The following SNTG2 variants were observed in gnomAD, a reference collection of about 807,000 sequenced individuals.
SNTG2 encodes gamma-2-syntrophin.
In SNTG2, 74 loss-of-function variants were observed where a neutral mutation model predicts 70.9. That is an observed-to-expected ratio of 1.04 (90% CI 0.86 to 1.27). The LOEUF (loss-of-function observed/expected upper bound fraction) is 1.27, where lower values mean the gene tolerates loss of function less well. SNTG2 is among the 50% of genes most tolerant of loss of function. The probability of loss-of-function intolerance (pLI) is 0.00; values close to 1 mark genes in which losing one functional copy is unlikely to be tolerated. For missense variants in SNTG2, 717 were observed against 690.7 expected (o/e 1.04, Z -0.43); for synonymous variants, 278 against 273.8 (o/e 1.02, Z -0.15).
intron 7 of SNTG2, among the ~76,000 whole-genome samples, chr2:1,166,202 C>A (rs1245180197): frequency 6.6e-6 from 1 of 152,158 alleles, no homozygotes; most frequent in African/African-American, 2.4e-5. Flanking sequence ...GTTGGAGTCA[C>A]CACCGTTCCT....
At chr2:990,231 T>C (rs1661446409) in intron 1 of SNTG2, among the ~76,000 whole-genome samples, 1 of 152,246 alleles carries the variant, frequency 6.6e-6, no homozygotes. Context: ...GCTTGGAGCC[T>C]GGCTCTGGAG....
chr2:1,334,306 G>A (rs1659687087), intron 16 of SNTG2, among the ~76,000 whole-genome samples: 1 of 152,166 alleles, frequency 6.6e-6, no homozygotes, highest in Non-Finnish European at 1.5e-5. Flanking sequence ...AGATGTCGGT[G>A]TGAATGTGAT....
intron 8 of SNTG2, among the ~76,000 whole-genome samples, chr2:1,174,530 T>C (rs924262875): frequency 2.0e-5 from 3 of 152,212 alleles, no homozygotes; most frequent in Non-Finnish European, 4.4e-5. Flanking sequence ...AAGATACTTA[T>C]AAATGTCTCT....
At chr2:1,136,258 C>T (rs1471803688) in intron 4 of SNTG2, among the ~76,000 whole-genome samples, 1 of 151,800 alleles carries the variant, frequency 6.6e-6, no homozygotes, top group Non-Finnish European at 1.5e-5. Flanking sequence ...AGCCTACCCT[C>T]GTGTGGCTAG....
At chr2:1,179,908 T>C (rs1318558243) in intron 8 of SNTG2, among the ~76,000 whole-genome samples, 1 of 139,852 alleles carries the variant, frequency 7.2e-6, no homozygotes, top group Non-Finnish European at 1.6e-5. Flanking sequence ...TCAGAAATAA[T>C]GCCGTGTATC....
intron 1 of SNTG2, among the ~76,000 whole-genome samples, chr2:1,038,069 A>T (rs1661231306): frequency 6.6e-6 from 1 of 152,192 alleles, no homozygotes; most frequent in Non-Finnish European, 1.5e-5. Context: ...TGGTATATGA[A>T]AGTTCCCTCA....
chr2:973,970 ATT>A (rs536703434), intron 1 of SNTG2, among the ~76,000 whole-genome samples: 389 of 152,182 alleles, frequency 2.6e-3, no homozygotes, highest in African/African-American at 9.1e-3. Flanking sequence ...AATCTCAGTC[ATT>A]TTGAAATTTC....
chr2:1,291,314 C>A (rs1440113808), intron 14 of SNTG2, among the ~76,000 whole-genome samples: 1 of 152,154 alleles, frequency 6.6e-6, no homozygotes, highest in Non-Finnish European at 1.5e-5. Context: ...GATTTCCACT[C>A]TTTGGTGGTG....
At chr2:1,111,793 G>A (rs1479029259) in intron 4 of SNTG2, among the ~76,000 whole-genome samples, 2 of 152,324 alleles carry the variant, frequency 1.3e-5, no homozygotes, top group African/African-American at 2.4e-5. Flanking sequence ...GAGAAAGATC[G>A]TGTGTACTAA....
chr2:1,029,367 A>G (rs1304223634), intron 1 of SNTG2, among the ~76,000 whole-genome samples: 1 of 152,214 alleles, frequency 6.6e-6, no homozygotes, highest in African/African-American at 2.4e-5. Context: ...ACACTTGATT[A>G]AACAAGCTAT....
At chr2:1,256,218 A>G (rs1364545402) in intron 12 of SNTG2, among the ~76,000 whole-genome samples, 1 of 151,988 alleles carries the variant, frequency 6.6e-6, no homozygotes. Flanking sequence ...GTTTCTGTAT[A>G]TGCTCCATTA....
intron 14 of SNTG2, among the ~76,000 whole-genome samples, chr2:1,286,708 C>T (rs1473167809): frequency 2.6e-5 from 4 of 152,214 alleles, no homozygotes; most frequent in African/African-American, 9.7e-5. Context: ...TATAATCAAC[C>T]TGCCACCAGG....
intron 14 of SNTG2, among the ~76,000 whole-genome samples, chr2:1,299,694 C>T (rs996202758): frequency 3.3e-5 from 5 of 152,202 alleles, no homozygotes; most frequent in African/African-American, 7.2e-5. Flanking sequence ...ACGTGGAGCA[C>T]AACTGCAATG....
chr2:1,357,381 T>C (rs1414620730), intron 16 of SNTG2, among the ~76,000 whole-genome samples: 1 of 152,144 alleles, frequency 6.6e-6, no homozygotes, highest in African/African-American at 2.4e-5. Flanking sequence ...TGAATGCTTT[T>C]CATGAGTCTT....
At chr2:1,099,560 C>G (rs1383666236) in intron 4 of SNTG2, among the ~76,000 whole-genome samples, 1 of 12,970 alleles carries the variant, frequency 7.7e-5, no homozygotes, top group Non-Finnish European at 1.6e-4. Flanking sequence ...CTGGGGAAGC[C>G]TTAACCATGA....
chr2:1,216,968 G>C (rs1049143440), intron 9 of SNTG2, among the ~76,000 whole-genome samples: 1 of 152,106 alleles, frequency 6.6e-6, no homozygotes, highest in Non-Finnish European at 1.5e-5. Flanking sequence ...GGCCAAGCTT[G>C]CTTCCCCTTC....
At chr2:1,179,631 A>G (rs12470120) in intron 8 of SNTG2, among the ~76,000 whole-genome samples, 49,525 of 149,564 alleles carry the variant, frequency 0.33, 8,516 homozygotes, top group East Asian at 0.64. Flanking sequence ...CGTGAAAATG[A>G]CCATACTGCC....
intron 4 of SNTG2, among the ~76,000 whole-genome samples, chr2:1,116,181 G>A (rs1460910734): frequency 6.6e-6 from 1 of 151,850 alleles, no homozygotes; most frequent in African/African-American, 2.4e-5. Flanking sequence ...AGGGAGCTTG[G>A]TGGTCACGGG....
intron 4 of SNTG2, among the ~76,000 whole-genome samples, chr2:1,133,292 A>G (rs1308819651): frequency 6.6e-6 from 1 of 152,260 alleles, no homozygotes. Context: ...TAAATATTTA[A>G]CAGAAGTGTC....
Sources: gnomAD v4.1 joint callset for allele counts (sites outside exome capture counted in the v4.1 genomes callset) on GRCh38, gnomAD v4.1.1 for gene constraint, MANE v1.5 for transcripts, NCBI Gene and HGNC (gene_info 2026-07-23, HGNC 2026-07-21) for gene names.